The following IMPG1 variants were observed in gnomAD, a reference collection of about 807,000 sequenced individuals.
IMPG1 encodes the protein interphotoreceptor matrix proteoglycan of 150 kDa.
IMPG1 carries 85 observed loss-of-function variants against 92.0 expected under a neutral mutation model. That is an observed-to-expected ratio of 0.92 (90% CI 0.78 to 1.11). The LOEUF is 1.11. Ranked by LOEUF, IMPG1 falls within the 50% of genes least tolerant of loss-of-function variation. The pLI, the probability that IMPG1 is intolerant of heterozygous loss-of-function variation, is 0.00. For synonymous variants in IMPG1, 367 were observed against 334.1 expected (o/e 1.10, Z -1.08); for missense variants, 1,022 against 956.0 (o/e 1.07, Z -0.91).
chr6:76,017,581 A>G (rs1783312390), intron 7 of IMPG1, among the ~76,000 whole-genome samples: 1 of 152,238 alleles, frequency 6.6e-6, no homozygotes, highest in South Asian at 2.1e-4. Context: ...TATAATTGAC[A>G]TATCAAAAGC....
chr6:76,050,900 C>T (rs189197323), intron 1 of IMPG1, among the ~76,000 whole-genome samples: 1 of 152,240 alleles, frequency 6.6e-6, no homozygotes, highest in Admixed American at 6.5e-5. Context: ...GGTAGCATTG[C>T]TATGAAAGCA....
intron 12 of IMPG1, among the ~76,000 whole-genome samples, chr6:75,965,606 C>CTTT (rs35490140): frequency 0.036 from 4,065 of 112,464 alleles, 462 homozygotes; most frequent in African/African-American, 0.075. Flanking sequence ...CATACTTGTT[C>CTTT]TTTTTTTTTT....
At chr6:75,939,231 G>T (rs547117070) in intron 14 of IMPG1, among the ~76,000 whole-genome samples, 51 of 152,074 alleles carry the variant, frequency 3.4e-4, no homozygotes, top group African/African-American at 1.1e-3. Context: ...TAAGTTTTAG[G>T]GTACATGTGC....
intron 13 of IMPG1, 141 bp downstream of exon 13, chr6:75,950,421 T>C (rs970783199): frequency 8.6e-6 from 6 of 698,464 alleles, no homozygotes; most frequent in Admixed American, 6.4e-5. Flanking sequence ...AAAATTCTAG[T>C]TGAATGTCTT....
intron 15 of IMPG1, among the ~76,000 whole-genome samples, chr6:75,927,320 G>A (rs117778741): frequency 0.017 from 2,621 of 152,264 alleles, 31 homozygotes; most frequent in Non-Finnish European, 0.027. Context: ...CTAGTAGGGG[G>A]CAGAGCTCTT....
chr6:75,933,142 C>T lies in IMPG1; in HGVS notation c.2045-1991G>A, dbSNP rs560005980. Among the ~76,000 whole-genome samples the T allele has an allele frequency of 2.4e-4, 36 of 152,092 alleles. No individual in the cohort carries two copies. In the South Asian group the frequency reaches 5.8e-3, roughly 25 times the overall value. The stretch of plus-strand genomic sequence containing the variant: ...GAAAATGTTTTGTTCTGAATGTGGT[C>T]GAAAGCTTGGAAAGAAGGGGGCAAA... On this transcript the variant is annotated intron_variant, in intron 14 of 16. Transcript: ENST00000369950.
intron 14 of IMPG1, among the ~76,000 whole-genome samples, chr6:75,940,516 A>G (rs1446652284): frequency 2.0e-5 from 3 of 152,098 alleles, no homozygotes; most frequent in Non-Finnish European, 2.9e-5. Context: ...AAACTGTTTT[A>G]TTTTTATTTT....
intron 12 of IMPG1, among the ~76,000 whole-genome samples, chr6:75,952,688 T>C (rs1782052198): frequency 6.6e-6 from 1 of 152,178 alleles, no homozygotes. Context: ...CCCAATGTGA[T>C]GATATTTGGA....
intron 2 of IMPG1, among the ~76,000 whole-genome samples, chr6:76,039,842 G>A (rs1783804754): frequency 6.6e-6 from 1 of 152,228 alleles, no homozygotes; most frequent in Non-Finnish European, 1.5e-5. Flanking sequence ...TTTGAGATAA[G>A]CACATTTATG....
At chr6:76,033,121 G>T (rs767258571) in intron 4 of IMPG1, among the ~76,000 whole-genome samples, 16 of 152,196 alleles carry the variant, frequency 1.1e-4, no homozygotes, top group Non-Finnish European at 2.1e-4. Context: ...GGCCAGAAGG[G>T]GTGAGAGGAG....
intron 4 of IMPG1, among the ~76,000 whole-genome samples, chr6:76,032,998 A>T (rs887968593): frequency 3.3e-5 from 5 of 152,304 alleles, no homozygotes; most frequent in Admixed American, 1.3e-4. Flanking sequence ...ACTTGTGCAA[A>T]GTTCACTAAA....
chr6:75,930,679 G>A lies in IMPG1; in HGVS notation c.2243+274C>T, dbSNP rs16886966. On this transcript the variant is annotated intron_variant, in intron 15 of 16. Coordinates refer to ENST00000369950, the MANE Select transcript of IMPG1 (RefSeq NM_001563.4). ...TCCCTATTGGTCTTAAGGAACCCTT[G>A]CCGGGAAGCCTAGAGCAGGGTTCTC... 0.11 allele frequency among the ~76,000 whole-genome samples: 16,321 copies of A among 152,104 alleles called. 1,044 individuals are homozygous for A. Among genetic ancestry groups the A allele is most frequent in the Middle Eastern group, 0.17 (51 of 294 alleles).
chr6:76,067,078 A>T (rs1311644384), intron 1 of IMPG1, among the ~76,000 whole-genome samples: 1 of 152,130 alleles, frequency 6.6e-6, no homozygotes. Context: ...TTATGCTTAC[A>T]TGAAAAGATA....
intron 1 of IMPG1, among the ~76,000 whole-genome samples, chr6:76,047,866 G>C (rs2127595572): frequency 6.6e-6 from 1 of 152,136 alleles, no homozygotes; most frequent in South Asian, 2.1e-4. Context: ...CAGAGGCTTA[G>C]GACACAGTCA....
chr6:75,941,683 G>A lies in IMPG1; in HGVS notation c.2044+5631C>T, dbSNP rs1391677590. ...CAACTCTATAAAATTAGAAATTAGTGTAGAGAAAATTGATGATGCAATGAT... is the reference window on the plus strand; with the variant it reads ...CAACTCTATAAAATTAGAAATTAGTATAGAGAAAATTGATGATGCAATGAT... On this transcript the variant is annotated intron_variant, in intron 14 of 16. Transcript: ENST00000369950. Among the ~76,000 whole-genome samples the A allele has an allele frequency of 2.6e-5, 4 of 152,156 alleles. No homozygotes were observed. In the South Asian group the frequency reaches 6.2e-4, roughly 24 times the overall value.
intron 1 of IMPG1, among the ~76,000 whole-genome samples, chr6:76,056,386 A>G (rs1784120769): frequency 6.6e-6 from 1 of 152,096 alleles, no homozygotes; most frequent in Admixed American, 6.6e-5. Flanking sequence ...ACAAACAAGC[A>G]AAAAAAGCTA....
intron 12 of IMPG1, among the ~76,000 whole-genome samples, chr6:76,000,992 C>T (rs1002948025): frequency 1.3e-5 from 2 of 152,164 alleles, no homozygotes; most frequent in East Asian, 1.9e-4. Flanking sequence ...CTGGCTGTGC[C>T]GCAAGCTATG....
At chr6:75,932,952 C>T (rs1054200985) in intron 14 of IMPG1, among the ~76,000 whole-genome samples, 13 of 152,098 alleles carry the variant, frequency 8.5e-5, no homozygotes, top group Non-Finnish European at 1.6e-4. Context: ...CTGCCTGCCT[C>T]GGCCTCCCAA....
At chr6:76,030,174 A>G (rs1783629636) in intron 4 of IMPG1, among the ~76,000 whole-genome samples, 1 of 152,186 alleles carries the variant, frequency 6.6e-6, no homozygotes, top group Admixed American at 6.5e-5. Context: ...TAGCAGGGAT[A>G]GAGACATAAG....
Sources: allele counts gnomAD v4.1 joint callset (sites outside exome capture counted in the v4.1 genomes callset), GRCh38; gene constraint gnomAD v4.1.1; transcripts MANE v1.5; gene names NCBI Gene and HGNC (gene_info 2026-07-23, HGNC 2026-07-21).